Variants in ZBTB7C observed in about 807,000 individuals in gnomAD.
ZBTB7C encodes the protein zinc finger and BTB domain-containing protein 7C.
A neutral mutation model predicts 25.7 loss-of-function variants in ZBTB7C; 8 were observed. That is an observed-to-expected ratio of 0.31 (90% CI 0.18 to 0.56). The LOEUF (loss-of-function observed/expected upper bound fraction) is 0.56. Among genes scored for constraint, ZBTB7C ranks in the 20% least tolerant of loss-of-function variants. The probability of loss-of-function intolerance (pLI) is 0.91; values close to 1 mark genes in which losing one functional copy is unlikely to be tolerated. For synonymous variants in ZBTB7C, 394 were observed against 369.0 expected, an observed-to-expected ratio of 1.07 and a Z score of -0.78; for missense variants, 824 against 855.2, an observed-to-expected ratio of 0.96 and a Z score of 0.46.
At chr18:48,384,874 G>C (rs1343188783) in intron 1 of ZBTB7C, among the ~76,000 whole-genome samples, 3 of 152,040 alleles carry the variant, frequency 2.0e-5, no homozygotes, top group African/African-American at 7.2e-5. Flanking sequence ...TAGAGACGAG[G>C]CTTCACCACC....
intron 1 of ZBTB7C, among the ~76,000 whole-genome samples, chr18:48,364,769 C>G (rs949096932): frequency 6.6e-6 from 1 of 152,212 alleles, no homozygotes. Flanking sequence ...TGTATGCAAA[C>G]AGAAGTATGT....
intron 3 of ZBTB7C, 94 bp from the exon 4 acceptor site, chr18:48,041,217 G>A (rs904956561): frequency 6.2e-6 from 9 of 1,458,228 alleles, no homozygotes; most frequent in Admixed American, 2.6e-5. Flanking sequence ...CTTGGCATAA[G>A]GGCTCCCTGT....
chr18:48,203,055 C>A (rs1208669589), intron 2 of ZBTB7C, among the ~76,000 whole-genome samples: 1 of 152,156 alleles, frequency 6.6e-6, no homozygotes, highest in East Asian at 1.9e-4. Flanking sequence ...AAGGTGTCCA[C>A]ACCTCCCAGC....
chr18:48,405,424 G>C (rs1319990351), intron 1 of ZBTB7C, among the ~76,000 whole-genome samples: 1 of 152,160 alleles, frequency 6.6e-6, no homozygotes, highest in Non-Finnish European at 1.5e-5. Context: ...AATCATTGTT[G>C]TCATTATTTA....
chr18:48,350,123 T>C (rs1568392208), intron 1 of ZBTB7C, among the ~76,000 whole-genome samples: 1 of 152,386 alleles, frequency 6.6e-6, no homozygotes, highest in East Asian at 1.9e-4. Flanking sequence ...ATTACTGCTG[T>C]AACAAATGGC....
At chr18:48,335,138 T>C (rs2144933996) in intron 2 of ZBTB7C, among the ~76,000 whole-genome samples, 1 of 152,316 alleles carries the variant, frequency 6.6e-6, no homozygotes. Context: ...CCCTCCTTAT[T>C]TGTGCTGGCC....
At chr18:48,338,921 G>GC (rs1313556202) in intron 1 of ZBTB7C, among the ~76,000 whole-genome samples, 2 of 152,000 alleles carry the variant, frequency 1.3e-5, no homozygotes, top group South Asian at 2.1e-4. Context: ...TGGGGGGGGG[G>GC]GGTCCAGGTA....
At chr18:48,396,727 C>CCA (rs1763002995) in intron 1 of ZBTB7C, among the ~76,000 whole-genome samples, 1 of 152,218 alleles carries the variant, frequency 6.6e-6, no homozygotes, top group African/African-American at 2.4e-5. Flanking sequence ...CTGTTCCTGT[C>CCA]CACTCATCAC....
chr18:48,372,794 G>T (rs946376593), intron 1 of ZBTB7C, among the ~76,000 whole-genome samples: 2 of 151,978 alleles, frequency 1.3e-5, no homozygotes, highest in Admixed American at 6.5e-5. Flanking sequence ...GCAGGTCCTG[G>T]AGGCACCATG....
At chr18:48,366,959 G>A (rs1364569446) in intron 1 of ZBTB7C, among the ~76,000 whole-genome samples, 1 of 151,826 alleles carries the variant, frequency 6.6e-6, no homozygotes, top group Non-Finnish European at 1.5e-5. Context: ...GACAGAGACT[G>A]CCTCTGCTAA....
intron 2 of ZBTB7C, among the ~76,000 whole-genome samples, chr18:48,317,111 A>G (rs2045966110): frequency 6.6e-6 from 1 of 152,114 alleles, no homozygotes; most frequent in Non-Finnish European, 1.5e-5. Flanking sequence ...TGTCTCTACT[A>G]AAAATACAAA....
chr18:48,148,556 A>C (rs566656585), intron 3 of ZBTB7C: 5 of 152,324 alleles, frequency 3.3e-5, no homozygotes, highest in African/African-American at 9.6e-5. Flanking sequence ...CCTGGCTTAC[A>C]GTGTCCTCAG....
At chr18:48,193,287 C>T (rs754015512) in intron 2 of ZBTB7C, among the ~76,000 whole-genome samples, 7 of 152,188 alleles carry the variant, frequency 4.6e-5, no homozygotes, top group Non-Finnish European at 8.8e-5. Context: ...CCGGGCCAGG[C>T]ACACTCTCCC....
In ZBTB7C at chr18:48,040,958, G is replaced by A. The variant is rs368979910; in HGVS notation, c.150C>T (p.Ser50=). ...AGTACTTGCTGCAGGCAGCCAGGAC[G>A]GAGCGGTGGGTCCGATACTCCTGCT... ...VQEQEYRTHR[S]VLAACSKYFK... is the part of the protein sequence containing the mutation. The change falls in exon 4 of 5, where the codon TCC becomes TCT. Residue 50 remains serine, a synonymous_variant. Coordinates refer to ENST00000590800, the MANE Select transcript of ZBTB7C (RefSeq NM_001318841.2). 46 of 1,614,172 alleles carry A rather than the reference G, an allele frequency of 2.8e-5. 1 individual carries two copies. In the South Asian group the frequency reaches 3.0e-4, roughly 10 times the overall value.
At chr18:48,259,283 C>T (rs576559619) in intron 2 of ZBTB7C, among the ~76,000 whole-genome samples, 1 of 125,934 alleles carries the variant, frequency 7.9e-6, no homozygotes, top group Non-Finnish European at 1.6e-5. Flanking sequence ...AGTGTAAAAG[C>T]AATTCAATGG....
At chr18:48,245,103 T>TATATATATATATATATATATAC (rs756081367) in intron 2 of ZBTB7C, among the ~76,000 whole-genome samples, 2 of 144,578 alleles carry the variant, frequency 1.4e-5, no homozygotes. Flanking sequence ...TATATATATA[T>TATATATATATATATATATATAC]ACACACACAC....
At chr18:48,083,152 G>C (rs553410607) in intron 3 of ZBTB7C, among the ~76,000 whole-genome samples, 1 of 151,994 alleles carries the variant, frequency 6.6e-6, no homozygotes, top group African/African-American at 2.4e-5. Context: ...TATGATGCAT[G>C]TTATTTTCTA....
intron 2 of ZBTB7C, among the ~76,000 whole-genome samples, chr18:48,211,044 T>G (rs1022939364): frequency 3.3e-5 from 5 of 152,114 alleles, no homozygotes; most frequent in African/African-American, 4.8e-5. Context: ...CACATAAATA[T>G]AGTCAACTGA....
intron 3 of ZBTB7C, among the ~76,000 whole-genome samples, chr18:48,163,968 C>T (rs1044402062): frequency 2.6e-5 from 4 of 152,168 alleles, no homozygotes; most frequent in African/African-American, 9.7e-5. Flanking sequence ...AGGGGATTTG[C>T]CTTTGTGATC....
Sources: gnomAD v4.1 joint callset for allele counts (sites outside exome capture counted in the v4.1 genomes callset) on GRCh38, gnomAD v4.1.1 for gene constraint, MANE v1.5 for transcripts, NCBI Gene and HGNC (gene_info 2026-07-23, HGNC 2026-07-21) for gene names.